ISM1: variants seen among roughly 807,000 people sequenced by gnomAD.
ISM1 encodes isthmin-1.
A neutral mutation model predicts 46.3 loss-of-function variants in ISM1; 25 were observed. That is an observed-to-expected ratio of 0.54 (90% confidence interval 0.39 to 0.75). The LOEUF is 0.75. Among genes scored for constraint, ISM1 ranks in the 30% least tolerant of loss-of-function variants. ISM1 has a pLI of 0.00. For missense variants in ISM1, 536 were observed against 625.4 expected (o/e 0.86, Z 1.52); for synonymous variants, 255 against 256.7 (o/e 0.99, Z 0.06).
intron 2 of ISM1, 150 bp downstream of exon 2, chr20:13,270,893 G>A (rs1363606108): frequency 4.0e-6 from 3 of 741,768 alleles, no homozygotes; most frequent in African/African-American, 1.8e-5. Flanking sequence ...CATAAGAACA[G>A]TGCTGCATTT....
chr20:13,312,544 C>A, the ISM1 span, among the ~76,000 whole-genome samples: 17 of 152,318 alleles, frequency 1.1e-4, no homozygotes, highest in African/African-American at 3.8e-4. Context: ...TCAGCATTTA[C>A]TGGACAGGAG....
the ISM1 span, among the ~76,000 whole-genome samples, chr20:13,307,594 G>A: frequency 3.3e-5 from 5 of 152,146 alleles, no homozygotes; most frequent in South Asian, 8.3e-4. Context: ...TCCAGTAACG[G>A]GCACTCACTC....
At chr20:13,255,299 A>T (rs2039914919) in intron 1 of ISM1, among the ~76,000 whole-genome samples, 1 of 152,236 alleles carries the variant, frequency 6.6e-6, no homozygotes, top group South Asian at 2.1e-4. Context: ...TTTTGTTGTT[A>T]GCAAGTAATA....
At chr20:13,272,830 C>T (rs1472037245) in intron 2 of ISM1, among the ~76,000 whole-genome samples, 1 of 152,218 alleles carries the variant, frequency 6.6e-6, no homozygotes, top group African/African-American at 2.4e-5. Flanking sequence ...TATCATGGCT[C>T]ATCCATGTGT....
chr20:13,269,369 TG>T (rs2040084473), intron 1 of ISM1, among the ~76,000 whole-genome samples: 3 of 152,194 alleles, frequency 2.0e-5, no homozygotes, highest in Non-Finnish European at 4.4e-5. Context: ...GATAAAGAAA[TG>T]GTGACATTTT....
chr20:13,270,717 A>C lies in ISM1; in HGVS notation c.352A>C (p.Ile118Leu). The C allele has an allele frequency of 1.9e-6, 3 of 1,613,914 alleles. No homozygotes were observed. The highest frequency in any genetic ancestry group is 2.5e-6 in the Non-Finnish European group (3 of 1,179,838). The change falls in exon 2 of 6, where the codon ATC becomes CTC. Residue 118 changes from isoleucine (I) to leucine (L), a missense_variant. Physicochemically the swap from Ile to Leu is conservative, Grantham distance 5. Coordinates refer to ENST00000262487, the MANE Select transcript of ISM1 (RefSeq NM_080826.2). ...PNFPDLSKAD[I>L]NGQNPNIQVT... ...CTTTCCAGATCTTTCCAAAGCTGAT[A>C]TCAATGGGCAGAATCCAAATATCCA... is the stretch of plus-strand genomic sequence containing the variant.
In ISM1 at chr20:13,221,691, C is replaced by T. The variant is rs1336757466; in HGVS notation, c.-86C>T. On this transcript the variant is annotated 5_prime_UTR_variant, in exon 1 of 6. Transcript: ENST00000262487. ...GAGGCGGGAGCCGCGCTGCCGGGCT[C>T]CCGGGCTCCTACTCCTCCTCCCCCG... 3.4e-6 allele frequency: 4 copies of T among 1,175,776 alleles called. No homozygotes were observed. Among genetic ancestry groups the T allele is most frequent in the African/African-American group, 1.6e-5 (1 of 61,810 alleles). The allele number at this position is 1,175,776 out of a possible 1,614,324, so 72.8% of individuals were successfully genotyped here.
At position 13,223,162 on chromosome 20, in the gene ISM1, A is replaced by ATAAAAT. The variant is rs1555807184; in HGVS notation, c.138+1248_138+1249insTAAAAT. On this transcript the variant is annotated intron_variant, in intron 1 of 5. Transcript: ENST00000262487. ...ACAGAGCGAGACTCCGTCTCAAAAA[A>ATAAAAT]AAAATAAAATAAAATAAAATAAAAT... Among the ~76,000 whole-genome samples, 126 of 146,068 alleles carry ATAAAAT rather than the reference A, an allele frequency of 8.6e-4. 1 individual carries two copies. The South Asian group carries it at 9.9e-3, about 12-fold the overall frequency.
At chr20:13,246,675 A>G (rs1338958766) in intron 1 of ISM1, among the ~76,000 whole-genome samples, 1 of 152,250 alleles carries the variant, frequency 6.6e-6, no homozygotes, top group Non-Finnish European at 1.5e-5. Context: ...GGACAATGGC[A>G]AAGCCATGAT....
chr20:13,272,270 G>T (rs1208105684), intron 2 of ISM1, among the ~76,000 whole-genome samples: 1 of 152,204 alleles, frequency 6.6e-6, no homozygotes, highest in Non-Finnish European at 1.5e-5. Context: ...TACGGTTTTA[G>T]ATCAGGTTTC....
chr20:13,267,764 A>C (rs2123240733), intron 1 of ISM1, among the ~76,000 whole-genome samples: 1 of 152,356 alleles, frequency 6.6e-6, no homozygotes, highest in East Asian at 1.9e-4. Context: ...GTAAGTGTTC[A>C]TAGTAGGAAG....
the ISM1 span, among the ~76,000 whole-genome samples, chr20:13,310,497 T>C: frequency 2.0e-5 from 3 of 151,988 alleles, no homozygotes; most frequent in Admixed American, 6.6e-5. Context: ...AAAAAAAATG[T>C]ATTGACATTG....
At chr20:13,271,733 C>T (rs948715076) in intron 2 of ISM1, among the ~76,000 whole-genome samples, 1 of 152,146 alleles carries the variant, frequency 6.6e-6, no homozygotes, top group African/African-American at 2.4e-5. Flanking sequence ...AGGCTCATCC[C>T]CCGGGCAACC....
chr20:13,307,346 A>G, the ISM1 span, among the ~76,000 whole-genome samples: 16 of 152,208 alleles, frequency 1.1e-4, no homozygotes, highest in Admixed American at 1.0e-3. Context: ...TCACGGCTCA[A>G]TGAATTTTCA....
rs1279813704 is a variant in ISM1, at chr20:13,257,658, T to G, written c.139-12846T>G. On this transcript the variant is annotated intron_variant, in intron 1 of 5. Coordinates refer to ENST00000262487, the MANE Select transcript of ISM1 (RefSeq NM_080826.2). ...GATTAACCCTAAAAAGTCATTACAC[T>G]GCACAAGTAAAGCAGTGTTGGGGTG... Among the ~76,000 whole-genome samples the G allele has an allele frequency of 4.6e-5, 7 of 152,028 alleles. No individual in the cohort carries two copies. In the East Asian group the frequency reaches 1.4e-3, roughly 29 times the overall value.
In ISM1 at chr20:13,270,598, A is replaced by G; in HGVS notation, c.233A>G (p.His78Arg). The G allele has an allele frequency of 6.2e-7, 1 of 1,613,996 alleles. No individual in the cohort carries two copies. Among genetic ancestry groups the G allele is most frequent in the South Asian group, 1.1e-5 (1 of 91,076 alleles). ...PREHLDHQAA[H>R]QPFPRPRFRQ... ...GAGCATCTGGACCACCAGGCTGCAC[A>G]CCAACCCTTCCCCAGACCGCGATTC... Residue 78 changes from histidine to arginine, a missense_variant, in exon 2 of 6, where the codon CAC (histidine) becomes CGC (arginine). Around this residue, in one of 2 missense-constraint regions of ISM1, gnomAD observed 367 missense variants for 376.1 expected, o/e 0.98. Coordinates refer to ENST00000262487, the MANE Select transcript of ISM1 (RefSeq NM_080826.2).
At chr20:13,267,805 A>G (rs1260701514) in intron 1 of ISM1, among the ~76,000 whole-genome samples, 2 of 152,220 alleles carry the variant, frequency 1.3e-5, no homozygotes, top group African/African-American at 4.8e-5. Flanking sequence ...AAGGAAAGAG[A>G]GCCTCATTTT....
At chr20:13,229,981 C>A (rs56243013) in intron 1 of ISM1, among the ~76,000 whole-genome samples, 3,022 of 152,242 alleles carry the variant, frequency 0.02, 45 homozygotes, top group Non-Finnish European at 0.022. Context: ...CACTATAATT[C>A]TATTTCTTAA....
rs1339481514 is a variant in ISM1, at chr20:13,298,969, G to C, written c.905G>C (p.Ser302Thr). Residue 302 changes from serine (S) to threonine (T), a missense_variant, in exon 6 of 6, where the codon AGC (serine) becomes ACC (threonine). This residue lies in a region of ISM1 where 169 missense variants were observed against 249.3 expected (regional missense o/e 0.68). Transcript: ENST00000262487. ...VDTDSCERWMSCKSEFLKKYM... is the reference protein window; with the variant it reads ...VDTDSCERWMTCKSEFLKKYM... Reference sequence around the variant, plus strand: ...ACAGACAGCTGTGAGCGCTGGATGAGCTGCAAAAGCGAGTTCTTAAAGAAG... The same window carrying C: ...ACAGACAGCTGTGAGCGCTGGATGACCTGCAAAAGCGAGTTCTTAAAGAAG... The C allele has an allele frequency of 1.2e-6, 2 of 1,613,476 alleles. No individual in the cohort carries two copies. Among genetic ancestry groups the C allele is most frequent in the Non-Finnish European group, 1.7e-6 (2 of 1,179,774 alleles).
Sources: allele counts gnomAD v4.1 joint callset (sites outside exome capture counted in the v4.1 genomes callset), GRCh38; gene constraint gnomAD v4.1.1; regional missense constraint gnomAD v4.1.1; transcripts MANE v1.5; gene names NCBI Gene and HGNC (gene_info 2026-07-23, HGNC 2026-07-21).